NFXL1: variants seen among roughly 807,000 people sequenced by gnomAD.
NFXL1 encodes nuclear transcription factor, X-box binding like 1, also known as NF-X1-type zinc finger protein NFXL1.
A neutral mutation model predicts 123.3 loss-of-function variants in NFXL1; 66 were observed. That is an observed-to-expected ratio of 0.54 (90% CI 0.44 to 0.66). The LOEUF is 0.66. Ranked by LOEUF, NFXL1 falls within the 30% of genes least tolerant of loss-of-function variation. The pLI is 0.00. For missense variants in NFXL1, 944 were observed against 1,125.6 expected (o/e 0.84, Z 2.31); for synonymous variants, 346 against 360.8 (o/e 0.96, Z 0.46).
chr4:47,900,885 C>T lies in NFXL1; in HGVS notation c.648-1337G>A, dbSNP rs1024020477. On this transcript the variant is annotated intron_variant, in intron 5 of 22. Coordinates refer to ENST00000507489, the MANE Select transcript of NFXL1 (RefSeq NM_001278624.2). ...GTAATGAAAAATCAAAAACAAAATA[C>T]TAAGTTCATCTGTCTGTGGAATAAG... Among the ~76,000 whole-genome samples, 135 of 152,204 alleles carry T rather than the reference C, an allele frequency of 8.9e-4. 1 individual carries two copies. Among genetic ancestry groups the T allele is most frequent in the African/African-American group, 3.1e-3 (130 of 41,540 alleles).
At chr4:47,861,286 A>AT (rs1341894640) in intron 19 of NFXL1, among the ~76,000 whole-genome samples, 1 of 152,218 alleles carries the variant, frequency 6.6e-6, no homozygotes, top group Non-Finnish European at 1.5e-5. Context: ...AGACACAATG[A>AT]AATTCACCTG....
At chr4:47,901,951 G>A (rs1471209089) in intron 5 of NFXL1, among the ~76,000 whole-genome samples, 1 of 152,190 alleles carries the variant, frequency 6.6e-6, no homozygotes, top group Non-Finnish European at 1.5e-5. Flanking sequence ...AGGGGCCAAG[G>A]TGGGTGGATC....
At position 47,909,896 on chromosome 4, in the gene NFXL1, A is replaced by G. The variant is rs1737742499; in HGVS notation, c.406+928T>C. ...GGCTGGTCTCAAACTCCTGACCTCAAGTGATCCCCCGGCCTCGGCCTCCCA... is the reference window on the plus strand; with the variant it reads ...GGCTGGTCTCAAACTCCTGACCTCAGGTGATCCCCCGGCCTCGGCCTCCCA... On this transcript the variant is annotated intron_variant, in intron 3 of 22. Transcript: ENST00000507489. 2.6e-5 allele frequency among the ~76,000 whole-genome samples: 4 copies of G among 152,228 alleles called. No homozygotes were observed. In the South Asian group the frequency reaches 8.3e-4, roughly 32 times the overall value.
intron 3 of NFXL1, among the ~76,000 whole-genome samples, chr4:47,905,767 G>C (rs1737539902): frequency 7.6e-6 from 1 of 132,446 alleles, no homozygotes; most frequent in Non-Finnish European, 1.6e-5. Context: ...GTGGGGGTGG[G>C]TGTGTGTGTA....
intron 3 of NFXL1, among the ~76,000 whole-genome samples, chr4:47,908,970 A>AG (rs1364540226): frequency 2.0e-5 from 3 of 151,738 alleles, no homozygotes; most frequent in Non-Finnish European, 4.4e-5. Context: ...AAAAAAAAAA[A>AG]AAGAAACAAA....
intron 5 of NFXL1, among the ~76,000 whole-genome samples, chr4:47,901,319 A>C (rs537216900): frequency 1.0e-3 from 153 of 152,356 alleles, no homozygotes; most frequent in African/African-American, 3.1e-3. Context: ...AAAAAATATG[A>C]AATATGGAAT....
intron 18 of NFXL1, among the ~76,000 whole-genome samples, chr4:47,874,098 T>C (rs569317037): frequency 1.6e-4 from 25 of 152,242 alleles, no homozygotes; most frequent in Non-Finnish European, 2.6e-4. Context: ...CTCTAAATGT[T>C]GTGGCTGCTT....
Position 47,894,254 on chromosome 4 carries a change from A to C in NFXL1, c.1378T>G (p.Cys460Gly). Residue 460 changes from cysteine to glycine, a missense_variant, in exon 11 of 23, where the codon TGT becomes GGT. Physicochemically the swap from Cys to Gly is radical, Grantham distance 159. Transcript: ENST00000507489. ...GTTTCACACAGATAAGGTTTATGAC[A>C]AGGCATTCGTTTTGTATGCTTTCCA... is the stretch of plus-strand genomic sequence containing the variant. ...RCGKHTKRMP[C>G]HKPYLCETKC... is the part of the protein sequence containing the mutation. 1 of 1,604,318 alleles carries C rather than the reference A, an allele frequency of 6.2e-7. No individual in the cohort carries two copies. The highest frequency in any genetic ancestry group is 8.5e-7 in the Non-Finnish European group (1 of 1,174,456).
intron 22 of NFXL1, among the ~76,000 whole-genome samples, chr4:47,848,698 GCTAA>G (rs1560576390): frequency 6.6e-6 from 1 of 151,992 alleles, no homozygotes; most frequent in African/African-American, 2.4e-5. Context: ...GACCATCCTG[GCTAA>G]CATGGTGAAA....
In NFXL1 at chr4:47,903,193, C is replaced by A; in HGVS notation, c.647G>T (p.Cys216Phe). 1 of 1,563,854 alleles carries A rather than the reference C, an allele frequency of 6.4e-7. No homozygotes were observed. Among genetic ancestry groups the A allele is most frequent in the South Asian group, 1.2e-5 (1 of 83,426 alleles). ...DFGKKDCPWP[C>F]PKCRFEYKRS... ...AATCCAACTAATTAGAAAAAGTTAC[C>A]AAGGCCAGGGACAATCTTTCTTTCC... is the stretch of plus-strand genomic sequence containing the variant. Residue 216 changes from cysteine to phenylalanine, a missense_variant and splice_region_variant, in exon 5 of 23, where the codon TGT becomes TTT. Physicochemically the swap from Cys to Phe is radical, Grantham distance 205. Coordinates refer to ENST00000507489, the MANE Select transcript of NFXL1 (RefSeq NM_001278624.2).
At chr4:47,899,303 T>C in intron 6 of NFXL1, 67 bp downstream of exon 6, 1 of 1,421,304 alleles carries the variant, frequency 7.0e-7, no homozygotes, top group Admixed American at 2.2e-5. Context: ...TTACAATTTT[T>C]TTTTTTGCCT....
intron 2 of NFXL1, among the ~76,000 whole-genome samples, chr4:47,912,688 G>A (rs1737893883): frequency 6.8e-6 from 1 of 147,070 alleles, no homozygotes; most frequent in Admixed American, 6.8e-5. Flanking sequence ...TCCATCTCCT[G>A]ACCTCATGAT....
At chr4:47,888,857 TA>T (rs1241065714) in intron 12 of NFXL1, among the ~76,000 whole-genome samples, 1 of 152,170 alleles carries the variant, frequency 6.6e-6, no homozygotes, top group Non-Finnish European at 1.5e-5. Flanking sequence ...TAAACTGATG[TA>T]AAAAATGAAG....
At position 47,900,147 on chromosome 4, in the gene NFXL1, G is replaced by T. The variant is rs1052691446; in HGVS notation, c.648-599C>A. Among the ~76,000 whole-genome samples the T allele has an allele frequency of 3.3e-5, 5 of 151,962 alleles. No homozygotes were observed. In the East Asian group the frequency reaches 9.6e-4, roughly 29 times the overall value. The stretch of plus-strand genomic sequence containing the variant: ...ATGACTACAATTTAGAATTAAGGGG[G>T]AATAAACTTGAAAATAAAGAATTTC... On this transcript the variant is annotated intron_variant, in intron 5 of 22. Transcript: ENST00000507489.
intron 5 of NFXL1, 133 bp from the exon 6 acceptor site, chr4:47,899,681 G>C (rs1226338628): frequency 3.3e-6 from 2 of 610,710 alleles, no homozygotes; most frequent in South Asian, 2.2e-5. Flanking sequence ...CTTTGTGTTA[G>C]TGAAAAAACA....
rs200513411 is a variant in NFXL1, at chr4:47,897,947, TA to T, written c.1204+19del. 169 of 1,389,196 alleles carry T rather than the reference TA, an allele frequency of 1.2e-4. No individual in the cohort carries two copies. Among genetic ancestry groups the T allele is most frequent in the Admixed American group, 1.4e-4 (7 of 48,702 alleles). 86.1% of individuals were successfully genotyped at this position (1,389,196 alleles called of 1,614,324 possible). On this transcript the variant is annotated intron_variant, in intron 9 of 22. Transcript: ENST00000507489. Reference sequence around the variant, plus strand: ...TGACAGATCATTTCCTATATAAATATAAAAAAAAACAAGTCTTACTTGATTT... The same window carrying T: ...TGACAGATCATTTCCTATATAAATATAAAAAAAACAAGTCTTACTTGATTT...
chr4:47,862,661 T>C lies in NFXL1; in HGVS notation c.2316+185A>G, dbSNP rs563297852. 1.2e-3 allele frequency among the ~76,000 whole-genome samples: 188 copies of C among 152,306 alleles called. 1 individual carries two copies. The highest frequency in any genetic ancestry group is 4.2e-3 in the African/African-American group (175 of 41,558). On this transcript the variant is annotated intron_variant, in intron 19 of 22. Transcript: ENST00000507489. ...CTTAAAAAAAATCTTCAAAGGGTCA[T>C]TTCAGGTCCTAATATCACCAAATTT...
Position 47,855,139 on chromosome 4 carries a change from C to G in NFXL1, c.2341G>C (p.Glu781Gln). Residue 781 changes from glutamate to glutamine, a missense_variant, in exon 20 of 23, where the codon GAG becomes CAG. Glu to Gln is a conservative substitution (Grantham distance 29). Around this residue, in one of 4 missense-constraint regions of NFXL1, gnomAD observed 301 missense variants for 348.0 expected, o/e 0.86. Transcript: ENST00000507489. The part of the protein sequence containing the change: ...KELPCGHRCK[E>Q]MCHPGECPFN... ...GGACATTCACCAGGATGACACATCT[C>G]TTTGCATCTATGACCACAAGGAAGC... 6.3e-7 allele frequency: 1 copy of G among 1,588,818 alleles called. No homozygotes were observed. Among genetic ancestry groups the G allele is most frequent in the Middle Eastern group, 1.7e-4 (1 of 5,992 alleles).
intron 22 of NFXL1, among the ~76,000 whole-genome samples, chr4:47,849,554 A>C (rs77032921): frequency 0.017 from 2,597 of 152,314 alleles, 74 homozygotes; most frequent in African/African-American, 0.059. Context: ...GTTTAATACA[A>C]AGTGGCATTC....
Sources: gnomAD v4.1 joint callset for allele counts (sites outside exome capture counted in the v4.1 genomes callset) on GRCh38, gnomAD v4.1.1 for gene constraint, gnomAD v4.1.1 regional missense constraint, MANE v1.5 for transcripts, NCBI Gene and HGNC (gene_info 2026-07-23, HGNC 2026-07-21) for gene names.